The following SYNE1 variants were observed in gnomAD, a reference collection of about 807,000 sequenced individuals.
SYNE1 encodes the protein nesprin-1.
A neutral mutation model predicts 1,111.0 loss-of-function variants in SYNE1; 616 were observed. That is an observed-to-expected ratio of 0.55 (90% CI 0.52 to 0.59). SYNE1 has a LOEUF of 0.59. Ranked by LOEUF, SYNE1 falls within the 20% of genes least tolerant of loss-of-function variation. The pLI, the probability that SYNE1 is intolerant of heterozygous loss-of-function variation, is 0.00. For synonymous variants in SYNE1, 3,855 were observed against 3,825.8 expected, an observed-to-expected ratio of 1.01 and a Z score of -0.28; for missense variants, 10,006 against 10,417.0, an observed-to-expected ratio of 0.96 and a Z score of 1.72.
chr6:152,129,876 G>A (rs2054919456), intron 145 of SYNE1, among the ~76,000 whole-genome samples: 1 of 152,224 alleles, frequency 6.6e-6, no homozygotes, highest in Non-Finnish European at 1.5e-5. Flanking sequence ...GGACTGGAAT[G>A]AAAACAGGCT....
At chr6:152,585,542 C>T (rs1046242250) in intron 3 of SYNE1, among the ~76,000 whole-genome samples, 2 of 152,120 alleles carry the variant, frequency 1.3e-5, no homozygotes, top group African/African-American at 4.8e-5. Flanking sequence ...TTATAAAGAC[C>T]TTTGTCTATT....
rs772957773 is a variant in SYNE1 at position 152,330,057 on chromosome 6, C to T, written c.14628G>A (p.Val4876=). Residue 4876 remains valine (V), a synonymous_variant, in exon 78 of 146, where the codon GTG becomes GTA. Coordinates refer to ENST00000367255, the MANE Select transcript of SYNE1 (RefSeq NM_182961.4). The stretch of plus-strand genomic sequence containing the variant: ...GCACCATTCGGCTCTCACATTCTGT[C>T]ACCGTCTCACCAATGGCAGAAGTCA... ...KLLTSAIGET[V]TECESRMVQS... is the part of the protein sequence containing the mutation. 4 of 1,614,044 alleles carry T rather than the reference C, an allele frequency of 2.5e-6. No individual in the cohort carries two copies. In the African/African-American group the frequency reaches 4.0e-5, roughly 16 times the overall value.
intron 110 of SYNE1, 128 bp from the exon 111 acceptor site, chr6:152,234,928 G>T: frequency 9.2e-7 from 1 of 1,088,548 alleles, no homozygotes; most frequent in Non-Finnish European, 1.3e-6. Flanking sequence ...AATGCATGAG[G>T]TTGGCACTCT....
chr6:152,352,151 T>G lies in SYNE1; in HGVS notation c.11456A>C (p.Lys3819Thr). Residue 3819 changes from lysine (K) to threonine (T), a missense_variant, in exon 70 of 146, where the codon AAG becomes ACG. Lys to Thr is a moderately conservative substitution (Grantham distance 78, BLOSUM62 -1). Transcript: ENST00000367255. The stretch of plus-strand genomic sequence containing the variant: ...TGCTTTGCATTTATCTGAGAATTCC[T>G]TTGCTAAATGAAGACCTTTTTCCAG... ...MTLEKGLHLA[K>T]EFSDKCKALT... is the part of the protein sequence containing the mutation. 6.2e-7 allele frequency: 1 copy of G among 1,614,266 alleles called. No individual in the cohort carries two copies. The highest frequency in any genetic ancestry group is 8.5e-7 in the Non-Finnish European group (1 of 1,180,050).
rs374624986 is a variant in SYNE1, at chr6:152,201,237, C to T, written c.23145+587G>A. Reference sequence around the variant, plus strand: ...TATAGCCACTGAATTGTGTTGGTCTCGGTGAGCTCATAATCCAGGGAGTGA... The same window carrying T: ...TATAGCCACTGAATTGTGTTGGTCTTGGTGAGCTCATAATCCAGGGAGTGA... On this transcript the variant is annotated intron_variant, in intron 127 of 145. Coordinates refer to ENST00000367255, the MANE Select transcript of SYNE1 (RefSeq NM_182961.4). Among the ~76,000 whole-genome samples, 60 of 152,220 alleles carry T rather than the reference C, an allele frequency of 3.9e-4. No individual in the cohort carries two copies. The South Asian group carries it at 0.011, about 28-fold the overall frequency.
intron 3 of SYNE1, among the ~76,000 whole-genome samples, chr6:152,619,725 C>T (rs891950985): frequency 2.6e-5 from 4 of 151,978 alleles, no homozygotes; most frequent in South Asian, 2.1e-4. Flanking sequence ...CACTGAGAGG[C>T]GGGGCAGTGA....
rs759271557 is a variant in SYNE1, at chr6:152,236,329, A to G, written c.20200-26T>C. ...CTAAAATATTGAAATTATTGAGTTA[A>G]AAGTTTGGATATGCAATTTTTGTCT... On this transcript the variant is annotated intron_variant, in intron 109 of 145. Transcript: ENST00000367255. 2.5e-6 allele frequency: 4 copies of G among 1,570,322 alleles called. No homozygotes were observed. The African/African-American group carries it at 4.1e-5, about 16-fold the overall frequency.
At position 152,442,071 on chromosome 6, in the gene SYNE1, C is replaced by T. The variant is rs761447746; in HGVS notation, c.4008+4G>A. On this transcript the variant is annotated splice_donor_region_variant and intron_variant, in intron 31 of 145. Transcript: ENST00000367255. The stretch of plus-strand genomic sequence containing the variant: ...TTAAATGGCCCCTAACTTCCGGCTC[C>T]TACCTGGATGCGGCGTTCCTGCCTC... 1 of 1,613,988 alleles carries T rather than the reference C, an allele frequency of 6.2e-7. No individual in the cohort carries two copies. Among genetic ancestry groups the T allele is most frequent in the African/African-American group, 1.3e-5 (1 of 74,942 alleles).
intron 126 of SYNE1, among the ~76,000 whole-genome samples, chr6:152,202,780 A>G (rs1465683944): frequency 6.6e-6 from 1 of 152,212 alleles, no homozygotes; most frequent in African/African-American, 2.4e-5. Context: ...GGATTTAAAA[A>G]AAAAAGAGGA....
intron 3 of SYNE1, among the ~76,000 whole-genome samples, chr6:152,573,105 C>T (rs189088094): frequency 1.5e-3 from 223 of 152,040 alleles, no homozygotes; most frequent in Admixed American, 0.012. Context: ...TTTCTAAGGG[C>T]GAGGCACTTA....
intron 45 of SYNE1, among the ~76,000 whole-genome samples, chr6:152,406,514 T>C (rs2097904106): frequency 6.6e-6 from 1 of 151,740 alleles, no homozygotes; most frequent in Non-Finnish European, 1.5e-5. Flanking sequence ...ATTCATAACC[T>C]GTTCAAATTA....
rs893399563 is a variant in SYNE1, at chr6:152,471,979, C to T, written c.1464-214G>A. On this transcript the variant is annotated intron_variant, in intron 15 of 145. Coordinates refer to ENST00000367255, the MANE Select transcript of SYNE1 (RefSeq NM_182961.4). ...GTCTTCGATTTAGTTCTTTCCCCTGCCAACACATCTCTCGTCTGTTTCTTT... is the reference window on the plus strand; with the variant it reads ...GTCTTCGATTTAGTTCTTTCCCCTGTCAACACATCTCTCGTCTGTTTCTTT... 6.6e-6 allele frequency: 4 copies of T among 604,540 alleles called. No individual in the cohort carries two copies. In the South Asian group the frequency reaches 8.0e-5, roughly 12 times the overall value. 37.4% of individuals were successfully genotyped at this position (604,540 alleles called of 1,614,324 possible).
At chr6:152,140,800 G>A (rs893374480) in intron 139 of SYNE1, among the ~76,000 whole-genome samples, 4 of 152,300 alleles carry the variant, frequency 2.6e-5, no homozygotes, top group African/African-American at 9.6e-5. Flanking sequence ...TTGGGAGGCC[G>A]AGGCGGGTGG....
chr6:152,289,981 C>T (rs1183591685), intron 95 of SYNE1, among the ~76,000 whole-genome samples: 1 of 150,420 alleles, frequency 6.6e-6, no homozygotes, highest in Non-Finnish European at 1.5e-5. Flanking sequence ...GGCAGTCTCC[C>T]ATCCAAGTAC....
At chr6:152,280,653 CAA>C (rs1166869648) in intron 97 of SYNE1, among the ~76,000 whole-genome samples, 1 of 152,122 alleles carries the variant, frequency 6.6e-6, no homozygotes, top group African/African-American at 2.4e-5. Context: ...GATATCTTCA[CAA>C]GAGAGAGGTG....
chr6:152,193,120 T>C (rs916836973), intron 127 of SYNE1, among the ~76,000 whole-genome samples: 5 of 152,190 alleles, frequency 3.3e-5, no homozygotes, highest in African/African-American at 1.2e-4. Context: ...TTTTTCTGGT[T>C]GTTTATATGG....
intron 10 of SYNE1, among the ~76,000 whole-genome samples, chr6:152,499,275 C>G (rs922099973): frequency 4.6e-5 from 7 of 151,772 alleles, no homozygotes; most frequent in Non-Finnish European, 1.0e-4. Flanking sequence ...ATGAGATAAG[C>G]CAATAGACCT....
Position 152,151,617 on chromosome 6 carries a change from A to G in SYNE1, c.24386T>C (p.Leu8129Pro), listed in dbSNP as rs199764522. 3.7e-6 allele frequency: 6 copies of G among 1,614,094 alleles called. No homozygotes were observed. Among genetic ancestry groups the G allele is most frequent in the Non-Finnish European group, 5.1e-6 (6 of 1,180,052 alleles). ...SILVWLTEMD[L>P]QLTNIEHFSE... ...AAAATGTTCAATATTAGTGAGCTGC[A>G]GATCCATCTCTGTGAGCCAGACCAG... Residue 8129 changes from leucine to proline, a missense_variant, in exon 135 of 146, where the codon CTG (leucine) becomes CCG (proline). Around this residue, in one of 7 missense-constraint regions of SYNE1, gnomAD observed 34 missense variants for 68.3 expected, o/e 0.50. Coordinates refer to ENST00000367255, the MANE Select transcript of SYNE1 (RefSeq NM_182961.4).
chr6:152,139,059 A>T (rs2057782621), intron 140 of SYNE1, among the ~76,000 whole-genome samples: 1 of 152,156 alleles, frequency 6.6e-6, no homozygotes, highest in Non-Finnish European at 1.5e-5. Context: ...ATGCAGATAC[A>T]ATTTTGGAGA....
Sources: gnomAD v4.1 joint callset for allele counts (sites outside exome capture counted in the v4.1 genomes callset) on GRCh38, gnomAD v4.1.1 for gene constraint, gnomAD v4.1.1 regional missense constraint, MANE v1.5 for transcripts, NCBI Gene and HGNC (gene_info 2026-07-23, HGNC 2026-07-21) for gene names.